Variants in TOP2B observed in about 807,000 individuals in gnomAD.
The protein encoded by TOP2B is DNA topoisomerase II beta.
A neutral mutation model predicts 193.5 loss-of-function variants in TOP2B; 51 were observed. The observed-to-expected ratio is 0.26, with a 90% CI of 0.21 to 0.33. The LOEUF is 0.33. Ranked by LOEUF, TOP2B falls within the 10% of genes least tolerant of loss-of-function variation. The pLI, the probability that TOP2B is intolerant of heterozygous loss-of-function variation, is 1.00. For missense variants in TOP2B, 1,378 were observed against 1,909.3 expected (o/e 0.72, Z 5.19); for synonymous variants, 634 against 635.7 (o/e 1.00, Z 0.04).
chr3:25,604,616 A>C, intron 33 of TOP2B, 144 bp downstream of exon 33: 1 of 623,120 alleles, frequency 1.6e-6, no homozygotes, highest in Non-Finnish European at 2.7e-6. Flanking sequence ...GATGGCTAGA[A>C]AACGAGAGGT....
intron 1 of TOP2B, among the ~76,000 whole-genome samples, chr3:25,646,836 T>C (rs1210728363): frequency 1.3e-5 from 2 of 152,200 alleles, no homozygotes; most frequent in Admixed American, 6.5e-5. Flanking sequence ...AAGAATTTAA[T>C]ATATCCTCAG....
chr3:25,649,116 G>A (rs1374535662), intron 1 of TOP2B, among the ~76,000 whole-genome samples: 3 of 152,200 alleles, frequency 2.0e-5, no homozygotes, highest in South Asian at 4.1e-4. Flanking sequence ...CTAGAGGGAT[G>A]TAACAGTAGA....
chr3:25,606,625 A>C (rs1195029167), intron 31 of TOP2B, among the ~76,000 whole-genome samples: 1 of 152,192 alleles, frequency 6.6e-6, no homozygotes, highest in African/African-American at 2.4e-5. Flanking sequence ...CAATTGTAAT[A>C]GGTGAGAAAA....
At chr3:25,660,579 A>C (rs1011224260) in intron 1 of TOP2B, among the ~76,000 whole-genome samples, 2 of 152,216 alleles carry the variant, frequency 1.3e-5, no homozygotes, top group African/African-American at 4.8e-5. Context: ...ATGTAAAGAC[A>C]AAGTGACAAA....
intron 1 of TOP2B, among the ~76,000 whole-genome samples, chr3:25,653,859 A>G (rs1364184316): frequency 3.3e-5 from 5 of 152,228 alleles, no homozygotes; most frequent in Admixed American, 6.5e-5. Flanking sequence ...CAAAAAACAC[A>G]TTATCATCTC....
chr3:25,607,682 G>T (rs908584546), intron 30 of TOP2B, among the ~76,000 whole-genome samples: 2 of 152,136 alleles, frequency 1.3e-5, no homozygotes, highest in African/African-American at 2.4e-5. Context: ...AGTCAATATG[G>T]CCTTGTCTCA....
At chr3:25,648,808 G>T (rs963351886) in intron 1 of TOP2B, among the ~76,000 whole-genome samples, 1 of 152,166 alleles carries the variant, frequency 6.6e-6, no homozygotes, top group African/African-American at 2.4e-5. Flanking sequence ...GCTGCAGTGA[G>T]CCATCTGCAC....
At chr3:25,629,245 C>A in intron 13 of TOP2B, 100 bp from the exon 14 acceptor site, 1 of 818,790 alleles carries the variant, frequency 1.2e-6, no homozygotes, top group Non-Finnish European at 1.8e-6. Flanking sequence ...AACCAAAATT[C>A]TGAATTTTAG....
rs572423965 is a variant in TOP2B, at chr3:25,604,434, A to G, written c.4489+326T>C. 1.1e-4 allele frequency among the ~76,000 whole-genome samples: 17 copies of G among 152,316 alleles called. No individual in the cohort carries two copies. The South Asian group carries it at 3.5e-3, about 32-fold the overall frequency. On this transcript the variant is annotated intron_variant, in intron 33 of 35. Coordinates refer to ENST00000264331, the MANE Select transcript of TOP2B (RefSeq NM_001330700.2). Reference sequence around the variant, plus strand: ...CCACATAAGGAGTTGAGTCATGATCAACATAGATAACAGAAGCAAGCTACT... The same window carrying G: ...CCACATAAGGAGTTGAGTCATGATCGACATAGATAACAGAAGCAAGCTACT...
At position 25,633,842 on chromosome 3, in the gene TOP2B, T is replaced by G; in HGVS notation, c.1025A>C (p.Lys342Thr). Residue 342 changes from lysine (K) to threonine (T), a missense_variant and splice_region_variant, in exon 8 of 36, where the codon AAA (lysine) becomes ACA (threonine). This residue lies in a region of TOP2B where 222 missense variants were observed against 306.6 expected (regional missense o/e 0.72). Transcript: ENST00000264331. ...ISFVNSIATT[K>T]GGRHVDYVVD... ...GAAACAAATAATTTGCTTACTTACT[T>G]TTGTAGTTGCAATACTATTTACAAA... 6.2e-7 allele frequency: 1 copy of G among 1,604,710 alleles called. No homozygotes were observed.
chr3:25,606,272 G>A (rs1702234969), intron 31 of TOP2B, 150 bp from the exon 32 acceptor site: 1 of 458,760 alleles, frequency 2.2e-6, no homozygotes, highest in African/African-American at 2.0e-5. Flanking sequence ...TAAAGACAGG[G>A]TAATAAAACT....
At chr3:25,605,601 T>A (rs556127086) in intron 32 of TOP2B, among the ~76,000 whole-genome samples, 8 of 152,174 alleles carry the variant, frequency 5.3e-5, no homozygotes, top group Admixed American at 3.3e-4. Flanking sequence ...ACAAGAAGTA[T>A]ACACACTGAT....
chr3:25,601,301 G>C lies in TOP2B; in HGVS notation c.4490-76C>G, dbSNP rs573989829. The C allele has an allele frequency of 3.3e-6, 5 of 1,496,034 alleles. No individual in the cohort carries two copies. The African/African-American group carries it at 7.0e-5, about 21-fold the overall frequency. 92.7% of individuals were successfully genotyped at this position (1,496,034 alleles called of 1,614,324 possible). ...AACTGAAGAGAGTCCTATATAAATG[G>C]AATTTCTTATAGCTGATTAGAAACT... On this transcript the variant is annotated intron_variant, in intron 33 of 35. Coordinates refer to ENST00000264331, the MANE Select transcript of TOP2B (RefSeq NM_001330700.2).
At chr3:25,613,934 C>A (rs1702443006) in intron 27 of TOP2B, among the ~76,000 whole-genome samples, 1 of 152,026 alleles carries the variant, frequency 6.6e-6, no homozygotes, top group African/African-American at 2.4e-5. Context: ...TTAATGATAA[C>A]CTCATTCATT....
intron 1 of TOP2B, among the ~76,000 whole-genome samples, chr3:25,648,954 C>T (rs1039499308): frequency 2.0e-5 from 3 of 152,088 alleles, no homozygotes; most frequent in African/African-American, 7.2e-5. Flanking sequence ...CATAAGGATG[C>T]TTAATGAAAT....
chr3:25,637,534 C>T (rs1703138184), intron 5 of TOP2B, among the ~76,000 whole-genome samples: 1 of 151,914 alleles, frequency 6.6e-6, no homozygotes, highest in Non-Finnish European at 1.5e-5. Context: ...GTATTTTGTA[C>T]ATTTACCACA....
At chr3:25,634,078 C>T (rs560275558) in intron 7 of TOP2B, 64 bp from the exon 8 acceptor site, 9 of 1,227,084 alleles carry the variant, frequency 7.3e-6, no homozygotes, top group Non-Finnish European at 1.0e-5. Flanking sequence ...AGGTGAATCA[C>T]CTTCAGTACG....
chr3:25,610,152 TG>T lies in TOP2B; in HGVS notation c.3787-441del, dbSNP rs1702331749. On this transcript the variant is annotated intron_variant, in intron 28 of 35. Transcript: ENST00000264331. Reference sequence around the variant, plus strand: ...AGAGGCGGAGATTGCGGTGAGCCTCTGGCCTGGGAAACAAAAGCGAAACTCT... The same window carrying T: ...AGAGGCGGAGATTGCGGTGAGCCTCTGCCTGGGAAACAAAAGCGAAACTCT... Among the ~76,000 whole-genome samples, 2 of 150,994 alleles carry T rather than the reference TG, an allele frequency of 1.3e-5. 1 individual carries two copies. Among genetic ancestry groups the T allele is most frequent in the South Asian group, 4.2e-4 (2 of 4,764 alleles).
At chr3:25,606,148 A>C in intron 31 of TOP2B, 26 bp from the exon 32 acceptor site, 1 of 1,123,692 alleles carries the variant, frequency 8.9e-7, no homozygotes, top group African/African-American at 1.6e-5. Flanking sequence ...TAAACACCAC[A>C]GAGGATACAA....
Sources: gnomAD v4.1 joint callset for allele counts (sites outside exome capture counted in the v4.1 genomes callset) on GRCh38, gnomAD v4.1.1 for gene constraint, gnomAD v4.1.1 regional missense constraint, MANE v1.5 for transcripts, NCBI Gene and HGNC (gene_info 2026-07-23, HGNC 2026-07-21) for gene names.